PAPPA: variants seen among roughly 807,000 people sequenced by gnomAD.
The protein encoded by PAPPA is pappalysin-1.
In PAPPA, 60 loss-of-function variants were observed where a neutral mutation model predicts 164.0. The ratio of observed to expected loss-of-function variants is 0.37; its 90% CI spans 0.30 to 0.45. PAPPA has a LOEUF of 0.45. Ranked by LOEUF, PAPPA falls within the 20% of genes least tolerant of loss-of-function variation. PAPPA has a pLI of 1.00. For synonymous variants in PAPPA, 875 were observed against 814.1 expected, an observed-to-expected ratio of 1.07 and a Z score of -1.27; for missense variants, 1,782 against 2,087.3, an observed-to-expected ratio of 0.85 and a Z score of 2.85.
At chr9:116,256,010 A>G (rs868667786) in intron 7 of PAPPA, among the ~76,000 whole-genome samples, 2 of 139,564 alleles carry the variant, frequency 1.4e-5, no homozygotes, top group Admixed American at 1.4e-4. Flanking sequence ...AAATTAAGTG[A>G]AAAAAAAAAA....
At chr9:116,213,778 C>T (rs1290576831) in intron 4 of PAPPA, among the ~76,000 whole-genome samples, 1 of 152,046 alleles carries the variant, frequency 6.6e-6, no homozygotes, top group South Asian at 2.1e-4. Flanking sequence ...CACTGAGCTA[C>T]GATAACAAAC....
intron 4 of PAPPA, among the ~76,000 whole-genome samples, chr9:116,213,698 G>A (rs1365562416): frequency 1.3e-5 from 2 of 152,050 alleles, no homozygotes; most frequent in African/African-American, 4.8e-5. Flanking sequence ...CAGATCTAAA[G>A]GGTGATTGAT....
At chr9:116,387,419 C>G (rs1017436567) in intron 21 of PAPPA, among the ~76,000 whole-genome samples, 1 of 152,170 alleles carries the variant, frequency 6.6e-6, no homozygotes, top group African/African-American at 2.4e-5. Context: ...TGAAGCCTCA[C>G]TCTGTCACCT....
At chr9:116,267,698 C>A (rs1845084346) in intron 8 of PAPPA, among the ~76,000 whole-genome samples, 1 of 151,590 alleles carries the variant, frequency 6.6e-6, no homozygotes, top group Non-Finnish European at 1.5e-5. Flanking sequence ...AAGGTGAAAC[C>A]CCGTCTCTAC....
intron 10 of PAPPA, 80 bp downstream of exon 10, chr9:116,303,030 G>A (rs1845599190): frequency 1.6e-6 from 2 of 1,226,308 alleles, no homozygotes; most frequent in African/African-American, 3.0e-5. Context: ...TCACCTCTAA[G>A]GCAGTGTCAT....
intron 7 of PAPPA, among the ~76,000 whole-genome samples, chr9:116,245,894 C>A (rs1001545595): frequency 6.6e-6 from 1 of 152,166 alleles, no homozygotes; most frequent in African/African-American, 2.4e-5. Flanking sequence ...GTAACAGAAT[C>A]TTTTTCCATA....
chr9:116,313,834 G>A (rs569595380), intron 10 of PAPPA, among the ~76,000 whole-genome samples: 1 of 152,156 alleles, frequency 6.6e-6, no homozygotes, highest in East Asian at 1.9e-4. Flanking sequence ...TCCCCTACTG[G>A]ACAGAGCAGG....
In PAPPA at chr9:116,230,018, G is replaced by C. The variant is rs141598010; in HGVS notation, c.2233+2466G>C. 6.7e-3 allele frequency among the ~76,000 whole-genome samples: 1,015 copies of C among 152,300 alleles called. 9 individuals carry two copies. Among genetic ancestry groups the C allele is most frequent in the African/African-American group, 0.022 (933 of 41,560 alleles). On this transcript the variant is annotated intron_variant, in intron 6 of 21. Coordinates refer to ENST00000328252, the MANE Select transcript of PAPPA (RefSeq NM_002581.5). ...TATTAGTTGGTGAAGTTTGCTCCTA[G>C]TTTGTTCCTGACCTTCTTAAAGCAT...
intron 1 of PAPPA, among the ~76,000 whole-genome samples, chr9:116,156,013 A>C (rs946022595): frequency 2.0e-5 from 3 of 151,954 alleles, no homozygotes; most frequent in Non-Finnish European, 2.9e-5. Flanking sequence ...AACGTTATCC[A>C]TAATAATAAT....
chr9:116,265,148 G>A (rs1478939324), intron 7 of PAPPA, among the ~76,000 whole-genome samples: 7 of 152,164 alleles, frequency 4.6e-5, no homozygotes, highest in Non-Finnish European at 7.3e-5. Flanking sequence ...TAAGCAAGTT[G>A]CTTTACCTTC....
chr9:116,350,742 C>A (rs1179896110), intron 15 of PAPPA, among the ~76,000 whole-genome samples: 2 of 152,192 alleles, frequency 1.3e-5, no homozygotes, highest in African/African-American at 4.8e-5. Flanking sequence ...CACCCCAAAG[C>A]AATGACTGCC....
intron 20 of PAPPA, among the ~76,000 whole-genome samples, chr9:116,381,559 C>T (rs1846732091): frequency 6.6e-6 from 1 of 152,206 alleles, no homozygotes; most frequent in Non-Finnish European, 1.5e-5. Context: ...AATGGCTTGA[C>T]TCTATTATCT....
intron 7 of PAPPA, among the ~76,000 whole-genome samples, chr9:116,256,507 T>C (rs1022353736): frequency 8.6e-5 from 13 of 151,848 alleles, no homozygotes; most frequent in African/African-American, 3.1e-4. Flanking sequence ...AGAGTTTTGC[T>C]GAAAGGTTAA....
chr9:116,399,531 T>C lies in PAPPA; in HGVS notation c.*2915T>C, dbSNP rs920418174. ...CTGAGAGGCAGCTCTGATGCACTAT[T>C]GTGTGTCAGCAGCTCAAAGGCCCTA... On this transcript the variant is annotated 3_prime_UTR_variant, in exon 22 of 22. Transcript: ENST00000328252. 6.6e-6 allele frequency: 1 copy of C among 152,590 alleles called. No individual in the cohort carries two copies. The highest frequency in any genetic ancestry group is 6.5e-5 in the Admixed American group (1 of 15,272). 9.5% of individuals were successfully genotyped at this position (152,590 alleles called of 1,614,324 possible).
At chr9:116,264,812 C>A (rs193128550) in intron 7 of PAPPA, among the ~76,000 whole-genome samples, 195 of 152,260 alleles carry the variant, frequency 1.3e-3, no homozygotes, top group African/African-American at 4.6e-3. Flanking sequence ...ATAACATCTT[C>A]ATTTGAAAAT....
At chr9:116,238,363 T>C (rs1330071436) in intron 7 of PAPPA, among the ~76,000 whole-genome samples, 1 of 152,130 alleles carries the variant, frequency 6.6e-6, no homozygotes, top group Non-Finnish European at 1.5e-5. Context: ...TGGATGCTAG[T>C]TAAAGTTTAA....
intron 9 of PAPPA, among the ~76,000 whole-genome samples, chr9:116,281,264 G>T (rs894655921): frequency 1.3e-5 from 2 of 152,098 alleles, no homozygotes; most frequent in African/African-American, 4.8e-5. Flanking sequence ...GTGTAAGCGG[G>T]TAAAAGTATA....
intron 17 of PAPPA, among the ~76,000 whole-genome samples, chr9:116,354,817 G>A (rs1237329152): frequency 6.6e-6 from 1 of 152,026 alleles, no homozygotes; most frequent in African/African-American, 2.4e-5. Context: ...AGAGTGATTT[G>A]AGCAATTATG....
chr9:116,289,347 G>T (rs138084742), intron 9 of PAPPA, among the ~76,000 whole-genome samples: 1 of 95,422 alleles, frequency 1.0e-5, no homozygotes. Flanking sequence ...CATATATATG[G>T]CATATATATG....
Sources: allele counts gnomAD v4.1 joint callset (sites outside exome capture counted in the v4.1 genomes callset), GRCh38; gene constraint gnomAD v4.1.1; transcripts MANE v1.5; gene names NCBI Gene and HGNC (gene_info 2026-07-23, HGNC 2026-07-21).